PCDHGA2: variants seen among roughly 807,000 people sequenced by gnomAD.
PCDHGA2 encodes protocadherin gamma subfamily A, 2, also known as protocadherin gamma-A2.
A neutral mutation model predicts 59.2 loss-of-function variants in PCDHGA2; 40 were observed. The ratio of observed to expected loss-of-function variants is 0.68; its 90% CI spans 0.52 to 0.88. PCDHGA2 has a LOEUF of 0.88. PCDHGA2 is among the 40% of genes least tolerant of loss of function. The pLI is 0.00. For missense variants in PCDHGA2, 1,226 were observed against 1,204.0 expected (o/e 1.02, Z -0.27); for synonymous variants, 560 against 526.0 (o/e 1.06, Z -0.89).
chr5:141,375,973 C>A (rs577451422), intron 1 of PCDHGA2: 742 of 1,613,246 alleles, frequency 4.6e-4, no homozygotes, highest in Middle Eastern at 1.7e-3. Context: ...GCACGGCGCG[C>A]GCCCTGCTGG....
chr5:141,457,410 C>G (rs746966828), intron 1 of PCDHGA2, among the ~76,000 whole-genome samples: 1 of 152,182 alleles, frequency 6.6e-6, no homozygotes, highest in Non-Finnish European at 1.5e-5. Context: ...TTTCACATTA[C>G]CCATCCCTTT....
Position 141,477,265 on chromosome 5 carries a change from G to T in PCDHGA2, c.2425-17542G>T. On this transcript the variant is annotated intron_variant, in intron 1 of 3. Coordinates refer to ENST00000394576, the MANE Select transcript of PCDHGA2 (RefSeq NM_018915.4). The surrounding 1 kb of genome is among the most constrained non-coding windows in gnomAD (Gnocchi z 4.9). ...GTGTGACTGACCTGGATGCTGGCGA[G>T]AACGGGCTGGTGACCTGCGAAGTTC... 6.2e-7 allele frequency: 1 copy of T among 1,614,198 alleles called. No individual in the cohort carries two copies. Among genetic ancestry groups the T allele is most frequent in the Non-Finnish European group, 8.5e-7 (1 of 1,180,044 alleles).
At position 141,454,263 on chromosome 5, in the gene PCDHGA2, T is replaced by C. The variant is rs954231508; in HGVS notation, c.2425-40544T>C. Among the ~76,000 whole-genome samples, 42 of 152,140 alleles carry C rather than the reference T, an allele frequency of 2.8e-4. 1 individual carries two copies. Among genetic ancestry groups the C allele is most frequent in the South Asian group, 1.0e-3 (5 of 4,826 alleles). On this transcript the variant is annotated intron_variant, in intron 1 of 3. Coordinates refer to ENST00000394576, the MANE Select transcript of PCDHGA2 (RefSeq NM_018915.4). Reference sequence around the variant, plus strand: ...GATGAAGATGTCCCAGAGAAAGTAATGCCAGCAAAAACTTCACATTAAAGG... The same window carrying C: ...GATGAAGATGTCCCAGAGAAAGTAACGCCAGCAAAAACTTCACATTAAAGG...
intron 1 of PCDHGA2, chr5:141,405,129 G>A (rs755961534): frequency 9.9e-6 from 16 of 1,613,846 alleles, no homozygotes; most frequent in Middle Eastern, 3.3e-4. Context: ...CATCTGCTGC[G>A]GGCTACCAGT....
rs561824381 is a variant in PCDHGA2 at position 141,449,084 on chromosome 5, C to T, written c.2425-45723C>T. Among the ~76,000 whole-genome samples, 8 of 152,250 alleles carry T rather than the reference C, an allele frequency of 5.3e-5. No individual in the cohort carries two copies. In the East Asian group the frequency reaches 1.4e-3, roughly 26 times the overall value. The stretch of plus-strand genomic sequence containing the variant: ...CTATTGAATAGCCCTGTACCTACAT[C>T]AGTTTTTACATATGCAGTATATCTT... On this transcript the variant is annotated intron_variant, in intron 1 of 3. Transcript: ENST00000394576.
At chr5:141,371,997 C>G in intron 1 of PCDHGA2, 6 of 1,613,232 alleles carry the variant, frequency 3.7e-6, no homozygotes, top group South Asian at 1.1e-5. Context: ...TCTGCAGGCC[C>G]GCGACCAGGG....
chr5:141,491,529 G>C lies in PCDHGA2; in HGVS notation c.2425-3278G>C. 1 of 1,614,040 alleles carries C rather than the reference G, an allele frequency of 6.2e-7. No individual in the cohort carries two copies. The highest frequency in any genetic ancestry group is 1.1e-5 in the South Asian group (1 of 91,080). On this transcript the variant is annotated intron_variant, in intron 1 of 3. Coordinates refer to ENST00000394576, the MANE Select transcript of PCDHGA2 (RefSeq NM_018915.4). The surrounding 1 kb of genome is among the most constrained non-coding windows in gnomAD (Gnocchi z 6.9). ...GCACGCTCAAGTACATGGAGGTGACGCTGCGGCCCACAGACTCGCAGAGCC... is the reference window on the plus strand; with the variant it reads ...GCACGCTCAAGTACATGGAGGTGACCCTGCGGCCCACAGACTCGCAGAGCC...
At chr5:141,421,705 G>C (rs1249601582) in intron 1 of PCDHGA2, 1 of 1,613,944 alleles carries the variant, frequency 6.2e-7, no homozygotes, top group Non-Finnish European at 8.5e-7. Context: ...TAATGCTAGG[G>C]ATCCAGATGT....
Position 141,447,603 on chromosome 5 carries a change from T to G in PCDHGA2, c.2425-47204T>G, listed in dbSNP as rs146950525. On this transcript the variant is annotated intron_variant, in intron 1 of 3. Transcript: ENST00000394576. ...ATACCTTAAACATCCTATAGAGTCC[T>G]TAGCATTTTAAAGTTGAAACCAACA... Among the ~76,000 whole-genome samples, 378 of 152,270 alleles carry G rather than the reference T, an allele frequency of 2.5e-3. 1 individual carries two copies. Among genetic ancestry groups the G allele is most frequent in the Non-Finnish European group, 4.5e-3 (309 of 68,030 alleles).
chr5:141,359,944 G>A (rs533641338), intron 1 of PCDHGA2: 7 of 508,210 alleles, frequency 1.4e-5, no homozygotes, highest in African/African-American at 1.2e-4. Flanking sequence ...CGTCGCTGTT[G>A]GTCAAAAGAA....
chr5:141,424,149 G>T, intron 1 of PCDHGA2: 1 of 324,612 alleles, frequency 3.1e-6, no homozygotes. Flanking sequence ...GCTCCCTCTA[G>T]CTCTCCTTCT....
Position 141,486,567 on chromosome 5 carries a change from C to T in PCDHGA2, c.2425-8240C>T, listed in dbSNP as rs1562113360. On this transcript the variant is annotated intron_variant, in intron 1 of 3. Transcript: ENST00000394576. The surrounding 1 kb of genome is among the most constrained non-coding windows in gnomAD (Gnocchi z 5.0). ...CAGAGGTCACATGAGGTGTTTGTTCCTGAGAACAATCGCCCAGGGGACCTG... is the reference window on the plus strand; with the variant it reads ...CAGAGGTCACATGAGGTGTTTGTTCTTGAGAACAATCGCCCAGGGGACCTG... The T allele has an allele frequency of 6.2e-7, 1 of 1,613,918 alleles. No homozygotes were observed. The highest frequency in any genetic ancestry group is 8.5e-7 in the Non-Finnish European group (1 of 1,179,986).
chr5:141,429,583 T>A (rs2097226045), intron 1 of PCDHGA2, among the ~76,000 whole-genome samples: 2 of 152,218 alleles, frequency 1.3e-5, no homozygotes, highest in South Asian at 4.1e-4. Flanking sequence ...TTACTTTTGA[T>A]TCTTGTAATT....
intron 1 of PCDHGA2, chr5:141,364,195 A>G: frequency 9.3e-7 from 1 of 1,073,724 alleles, no homozygotes; most frequent in East Asian, 2.8e-5. Context: ...CTAAACACAC[A>G]GACCAGACAA....
At chr5:141,438,418 G>C (rs2097959406) in intron 1 of PCDHGA2, among the ~76,000 whole-genome samples, 1 of 151,534 alleles carries the variant, frequency 6.6e-6, no homozygotes, top group Admixed American at 6.6e-5. Flanking sequence ...ATTTCACACA[G>C]TAGTTTGTAC....
chr5:141,350,887 G>A (rs2149759418), intron 1 of PCDHGA2: 3 of 1,614,044 alleles, frequency 1.9e-6, no homozygotes, highest in Non-Finnish European at 2.5e-6. Flanking sequence ...GCTTAATCCT[G>A]ACTGCCATGG....
intron 1 of PCDHGA2, chr5:141,392,008 T>C (rs144906227): frequency 1.3e-5 from 2 of 152,186 alleles, no homozygotes; most frequent in Non-Finnish European, 2.9e-5. Flanking sequence ...ACTGCAATGG[T>C]AAAAGCATTT....
At chr5:141,366,602 TCCCTCACCGCGGA>T in intron 1 of PCDHGA2, 1 of 1,614,226 alleles carries the variant, frequency 6.2e-7, no homozygotes, top group Admixed American at 1.7e-5. Flanking sequence ...CCACGAGGTC[TCCCTCACCGCGGA>T]CTCGAGGAAG....
chr5:141,369,478 G>A lies in PCDHGA2; in HGVS notation c.2424+28083G>A, dbSNP rs139702118. 6.3e-3 allele frequency among the ~76,000 whole-genome samples: 955 copies of A among 152,098 alleles called. 15 individuals carry two copies. The highest frequency in any genetic ancestry group is 0.022 in the African/African-American group (913 of 41,484). ...AGCCAGGTGTTCTAGCCCAGCCTGG[G>A]CAACATAGTGAAACCCCACCTCTAT... is the stretch of plus-strand genomic sequence containing the variant. On this transcript the variant is annotated intron_variant, in intron 1 of 3. Coordinates refer to ENST00000394576, the MANE Select transcript of PCDHGA2 (RefSeq NM_018915.4).
Sources: gnomAD v4.1 joint callset for allele counts (sites outside exome capture counted in the v4.1 genomes callset) on GRCh38, gnomAD v4.1.1 for gene constraint, Gnocchi (gnomAD v3.1) non-coding constraint, MANE v1.5 for transcripts, NCBI Gene and HGNC (gene_info 2026-07-23, HGNC 2026-07-21) for gene names.